DIP2C: variants seen among roughly 807,000 people sequenced by gnomAD.
DIP2C encodes the protein disco-interacting protein 2 homolog C.
DIP2C carries 33 observed loss-of-function variants against 192.4 expected under a neutral mutation model. The observed-to-expected ratio is 0.17, with a 90% CI of 0.13 to 0.23. DIP2C has a LOEUF of 0.23. DIP2C is among the 10% of genes least tolerant of loss of function. The pLI is 1.00. For missense variants in DIP2C, 1,537 were observed against 2,110.1 expected, an observed-to-expected ratio of 0.73 and a Z score of 5.32; for synonymous variants, 979 against 864.1, an observed-to-expected ratio of 1.13 and a Z score of -2.33.
At chr10:575,493 C>G (rs1445518332) in intron 1 of DIP2C, among the ~76,000 whole-genome samples, 1 of 152,190 alleles carries the variant, frequency 6.6e-6, no homozygotes, top group South Asian at 2.1e-4. Context: ...GCAAAAGTCT[C>G]TCAACTTCGA....
intron 1 of DIP2C, chr10:662,771 T>C (rs768443701): frequency 1.2e-4 from 83 of 684,552 alleles, no homozygotes; most frequent in Non-Finnish European, 2.1e-4. Flanking sequence ...ATTTCTCTTG[T>C]GTTGCCTATT....
chr10:464,461 G>A (rs1012392579), intron 3 of DIP2C, among the ~76,000 whole-genome samples: 18 of 152,116 alleles, frequency 1.2e-4, no homozygotes, highest in Admixed American at 1.1e-3. Context: ...TTCCACGCCA[G>A]TTAGAATGGT....
At chr10:507,725 T>C (rs1165928231) in intron 1 of DIP2C, among the ~76,000 whole-genome samples, 13 of 152,196 alleles carry the variant, frequency 8.5e-5, no homozygotes, top group African/African-American at 3.1e-4. Flanking sequence ...CACATTCCTT[T>C]CAGTACTGAC....
intron 1 of DIP2C, chr10:650,467 AAG>A (rs1309159457): frequency 5.7e-6 from 4 of 705,912 alleles, no homozygotes. Flanking sequence ...TATCGTTCCT[AAG>A]AGAGTCCACG....
intron 32 of DIP2C, among the ~76,000 whole-genome samples, chr10:299,128 C>T (rs771552332): frequency 6.6e-6 from 1 of 152,182 alleles, no homozygotes; most frequent in Non-Finnish European, 1.5e-5. Context: ...TTTGCACTGC[C>T]CACCCCATCT....
At chr10:581,177 A>G (rs187291060) in intron 1 of DIP2C, among the ~76,000 whole-genome samples, 6 of 151,850 alleles carry the variant, frequency 4.0e-5, no homozygotes, top group Non-Finnish European at 8.8e-5. Flanking sequence ...CTGGCCACTT[A>G]GACGCTTTCT....
intron 1 of DIP2C, among the ~76,000 whole-genome samples, chr10:600,130 T>TA (rs1851961731): frequency 6.6e-6 from 1 of 152,138 alleles, no homozygotes; most frequent in South Asian, 2.1e-4. Flanking sequence ...AGAGACCCTG[T>TA]AGTACAAGGC....
At chr10:429,029 G>A (rs1024475998) in intron 4 of DIP2C, among the ~76,000 whole-genome samples, 1 of 151,936 alleles carries the variant, frequency 6.6e-6, no homozygotes, top group East Asian at 1.9e-4. Context: ...CACAACTGAT[G>A]CTTCTACACT....
intron 1 of DIP2C, among the ~76,000 whole-genome samples, chr10:586,302 G>A (rs1431144831): frequency 6.6e-6 from 1 of 152,184 alleles, no homozygotes; most frequent in Non-Finnish European, 1.5e-5. Flanking sequence ...TGACCTGGCT[G>A]GGATCCAAGT....
chr10:655,009 G>C (rs896046844), intron 1 of DIP2C, among the ~76,000 whole-genome samples: 1 of 152,208 alleles, frequency 6.6e-6, no homozygotes, highest in African/African-American at 2.4e-5. Context: ...AAGGGTCCCA[G>C]ACAGCCTCCA....
chr10:633,459 CGTAGAGTG>C (rs1564289271), intron 1 of DIP2C, among the ~76,000 whole-genome samples: 1 of 152,076 alleles, frequency 6.6e-6, no homozygotes, highest in South Asian at 2.1e-4. Flanking sequence ...GAGGTGGTGC[CGTAGAGTG>C]GATGGGGAGA....
At chr10:675,428 A>T (rs796501131) in intron 1 of DIP2C, among the ~76,000 whole-genome samples, 15 of 152,284 alleles carry the variant, frequency 9.9e-5, no homozygotes, top group African/African-American at 3.6e-4. Context: ...AAAAGAAATA[A>T]CAAAGATCAA....
At chr10:337,507 GTC>G (rs888761134) in intron 29 of DIP2C, among the ~76,000 whole-genome samples, 1 of 143,986 alleles carries the variant, frequency 6.9e-6, no homozygotes, top group Non-Finnish European at 1.5e-5. Context: ...GGCCTAGACA[GTC>G]TGTGTGTGTG....
At chr10:582,383 C>CA (rs1491390180) in intron 1 of DIP2C, among the ~76,000 whole-genome samples, 2 of 152,188 alleles carry the variant, frequency 1.3e-5, no homozygotes, top group Non-Finnish European at 2.9e-5. Context: ...AAAACAGAGT[C>CA]ACACCGGGGC....
At chr10:412,416 G>C (rs1291986531) in intron 8 of DIP2C, among the ~76,000 whole-genome samples, 2 of 152,208 alleles carry the variant, frequency 1.3e-5, no homozygotes, top group African/African-American at 4.8e-5. Context: ...CTCCAGGGCT[G>C]AATTTGGCCG....
intron 19 of DIP2C, chr10:364,937 C>T: frequency 3.7e-6 from 2 of 539,896 alleles, no homozygotes; most frequent in Admixed American, 4.4e-5. Context: ...AGTGAAGAGT[C>T]AAGGTACATT....
Position 387,701 on chromosome 10 carries a change from G to A in DIP2C, c.1662+44C>T, listed in dbSNP as rs758816361. ...TGTGTGGACAGGCAGGGCAGGGTGG[G>A]GGACTCCTTTGTGGACAGACACGGC... is the stretch of plus-strand genomic sequence containing the variant. On this transcript the variant is annotated intron_variant, in intron 14 of 36. Coordinates refer to ENST00000280886, the MANE Select transcript of DIP2C (RefSeq NM_014974.3). 30 of 1,599,744 alleles carry A rather than the reference G, an allele frequency of 1.9e-5. No homozygotes were observed. In the East Asian group the frequency reaches 6.7e-4, roughly 36 times the overall value.
At chr10:348,787 A>G (rs1235701081) in intron 25 of DIP2C, 25 bp from the exon 26 acceptor site, 1 of 1,611,516 alleles carries the variant, frequency 6.2e-7, no homozygotes, top group Non-Finnish European at 8.5e-7. Context: ...AAACATCATC[A>G]TTGAAGCAGA....
In DIP2C at chr10:324,178, C is replaced by T. The variant is rs1957159930; in HGVS notation, c.3924+2828G>A. ...ACTTCCTGAAAAAATTATCTACATG[C>T]CTACCGTCCAACTCACTGACTGTGA... is the stretch of plus-strand genomic sequence containing the variant. On this transcript the variant is annotated intron_variant, in intron 31 of 36. Coordinates refer to ENST00000280886, the MANE Select transcript of DIP2C (RefSeq NM_014974.3). Among the ~76,000 whole-genome samples, 3 of 152,202 alleles carry T rather than the reference C, an allele frequency of 2.0e-5. No individual in the cohort carries two copies. The East Asian group carries it at 5.8e-4, about 29-fold the overall frequency.
Sources: allele counts gnomAD v4.1 joint callset (sites outside exome capture counted in the v4.1 genomes callset), GRCh38; gene constraint gnomAD v4.1.1; transcripts MANE v1.5; gene names NCBI Gene and HGNC (gene_info 2026-07-23, HGNC 2026-07-21).